Variants in RBFOX1 observed in about 807,000 individuals in gnomAD.
RBFOX1 encodes the protein RNA binding fox-1 homolog 1.
RBFOX1 carries 8 observed loss-of-function variants against 57.7 expected under a neutral mutation model. That is an observed-to-expected ratio of 0.14 (90% CI 0.08 to 0.25). The LOEUF (loss-of-function observed/expected upper bound fraction) is 0.25, where lower values mean the gene tolerates loss of function less well. Ranked by LOEUF, RBFOX1 falls within the 10% of genes least tolerant of loss-of-function variation. RBFOX1 has a pLI of 1.00. For missense variants in RBFOX1, 611 were observed against 548.5 expected, an observed-to-expected ratio of 1.11 and a Z score of -1.14; for synonymous variants, 326 against 222.4, an observed-to-expected ratio of 1.47 and a Z score of -4.15.
intron 4 of RBFOX1, among the ~76,000 whole-genome samples, chr16:5,873,170 C>T (rs906346677): frequency 6.6e-6 from 1 of 151,584 alleles, no homozygotes; most frequent in African/African-American, 2.4e-5. Flanking sequence ...AAACAAACAA[C>T]AACAACAACA....
chr16:7,634,420 T>A (rs1376506261), intron 11 of RBFOX1, among the ~76,000 whole-genome samples: 1 of 151,860 alleles, frequency 6.6e-6, no homozygotes, highest in Non-Finnish European at 1.5e-5. Context: ...ATTGTACCTC[T>A]TCCTAGTCAA....
intron 3 of RBFOX1, among the ~76,000 whole-genome samples, chr16:5,649,010 G>C (rs2049141426): frequency 6.6e-6 from 1 of 151,940 alleles, no homozygotes; most frequent in African/African-American, 2.4e-5. Context: ...GTTGCAGTAA[G>C]TAGAGATTGT....
intron 4 of RBFOX1, among the ~76,000 whole-genome samples, chr16:5,900,113 A>G (rs947907958): frequency 1.3e-5 from 2 of 152,188 alleles, no homozygotes; most frequent in African/African-American, 4.8e-5. Flanking sequence ...AGTTTCTTCA[A>G]CAACGTTGTC....
rs527320144 is a variant in RBFOX1, at chr16:7,464,799, C to T, written c.28-53348C>T. On this transcript the variant is annotated intron_variant, in intron 4 of 15. Coordinates refer to ENST00000550418, the MANE Select transcript of RBFOX1 (RefSeq NM_018723.4). ...TCAAGCTCCGCCTCCCAGGTTCACG[C>T]CATTCTCCTGCCTCAGCCTCCCGAG... 3.0e-3 allele frequency among the ~76,000 whole-genome samples: 447 copies of T among 148,334 alleles called. 3 individuals are homozygous for T. Among genetic ancestry groups the T allele is most frequent in the African/African-American group, 0.011 (432 of 40,250 alleles).
At chr16:6,342,881 A>C (rs2152830075) in intron 2 of RBFOX1, among the ~76,000 whole-genome samples, 1 of 152,184 alleles carries the variant, frequency 6.6e-6, no homozygotes, top group Admixed American at 6.5e-5. Flanking sequence ...ATTGATGGGG[A>C]CACTTGTTTC....
intron 3 of RBFOX1, among the ~76,000 whole-genome samples, chr16:6,898,939 GTA>G (rs1220119737): frequency 7.9e-5 from 12 of 151,346 alleles, no homozygotes; most frequent in Non-Finnish European, 4.4e-5. Flanking sequence ...GTGTATGTGT[GTA>G]TATGTGTATA....
intron 2 of RBFOX1, among the ~76,000 whole-genome samples, chr16:6,466,981 T>G (rs2095063667): frequency 6.6e-6 from 1 of 151,654 alleles, no homozygotes. Flanking sequence ...TTACACTTAA[T>G]GAAATATAAA....
chr16:6,885,807 G>A lies in RBFOX1; in HGVS notation c.-15-166250G>A, dbSNP rs539230349. 7.2e-5 allele frequency among the ~76,000 whole-genome samples: 11 copies of A among 152,058 alleles called. No individual in the cohort carries two copies. The South Asian group carries it at 1.7e-3, about 23-fold the overall frequency. On this transcript the variant is annotated intron_variant, in intron 3 of 15. Coordinates refer to ENST00000550418, the MANE Select transcript of RBFOX1 (RefSeq NM_018723.4). Reference sequence around the variant, plus strand: ...TGGCCTCCCAAAATGCTGGGATTACGGGCATGAATCACTGCACCCGGCCTT... The same window carrying A: ...TGGCCTCCCAAAATGCTGGGATTACAGGCATGAATCACTGCACCCGGCCTT...
intron 2 of RBFOX1, among the ~76,000 whole-genome samples, chr16:5,468,277 C>G (rs2069016198): frequency 6.6e-6 from 1 of 152,146 alleles, no homozygotes; most frequent in South Asian, 2.1e-4. Context: ...CAATCACTAC[C>G]TCTCTGTACT....
intron 1 of RBFOX1, among the ~76,000 whole-genome samples, chr16:6,221,659 A>T (rs2097374189): frequency 6.6e-6 from 1 of 152,188 alleles, no homozygotes; most frequent in African/African-American, 2.4e-5. Context: ...GGTTTCACTG[A>T]CTCACAGTTC....
intron 4 of RBFOX1, among the ~76,000 whole-genome samples, chr16:7,311,659 A>G (rs1037539307): frequency 6.6e-6 from 1 of 152,088 alleles, no homozygotes; most frequent in African/African-American, 2.4e-5. Context: ...GTTGAGAGCA[A>G]TATTGGTACC....
intron 4 of RBFOX1, among the ~76,000 whole-genome samples, chr16:7,165,404 A>AATAATAATAATAATAATG (rs1218943516): frequency 2.0e-5 from 3 of 147,326 alleles, no homozygotes; most frequent in Non-Finnish European, 3.0e-5. Context: ...TAATAATAAT[A>AATAATAATAATAATAATG]ATAATGATAA....
At chr16:6,823,797 A>G (rs2091720717) in intron 3 of RBFOX1, among the ~76,000 whole-genome samples, 2 of 152,192 alleles carry the variant, frequency 1.3e-5, no homozygotes, top group Non-Finnish European at 2.9e-5. Flanking sequence ...AACTAATAAT[A>G]GGAGATTCCT....
At chr16:6,435,968 T>A (rs2094222051) in intron 2 of RBFOX1, among the ~76,000 whole-genome samples, 1 of 150,190 alleles carries the variant, frequency 6.7e-6, no homozygotes, top group Non-Finnish European at 1.5e-5. Flanking sequence ...TGGTTTTTCA[T>A]TCTTCTCTTT....
At chr16:6,702,188 C>G (rs2061956694) in intron 3 of RBFOX1, among the ~76,000 whole-genome samples, 2 of 152,182 alleles carry the variant, frequency 1.3e-5, no homozygotes, top group African/African-American at 4.8e-5. Context: ...TACCATGATC[C>G]AGACACCTCC....
At chr16:6,094,004 G>A (rs945300864) in intron 1 of RBFOX1, among the ~76,000 whole-genome samples, 7 of 152,102 alleles carry the variant, frequency 4.6e-5, no homozygotes, top group Admixed American at 3.3e-4. Flanking sequence ...CGCTTTTTTA[G>A]GTAATCTGTG....
At chr16:5,909,925 C>T in intron 4 of RBFOX1, among the ~76,000 whole-genome samples, 1 of 152,040 alleles carries the variant, frequency 6.6e-6, no homozygotes, top group Admixed American at 6.5e-5. Context: ...TGGTGGCAGG[C>T]ACCTGTAATC....
intron 2 of RBFOX1, among the ~76,000 whole-genome samples, chr16:6,349,878 G>T (rs1040901807): frequency 6.6e-6 from 1 of 152,136 alleles, no homozygotes; most frequent in Non-Finnish European, 1.5e-5. Context: ...AAGAAAGGAA[G>T]GCAAGTTGGT....
chr16:5,551,258 G>T (rs2045452629), intron 2 of RBFOX1, among the ~76,000 whole-genome samples: 1 of 152,140 alleles, frequency 6.6e-6, no homozygotes, highest in Non-Finnish European at 1.5e-5. Flanking sequence ...TTTCACCAGG[G>T]GCTATTTGTA....
Sources: gnomAD v4.1 joint callset for allele counts (sites outside exome capture counted in the v4.1 genomes callset) on GRCh38, gnomAD v4.1.1 for gene constraint, MANE v1.5 for transcripts, NCBI Gene and HGNC (gene_info 2026-07-23, HGNC 2026-07-21) for gene names.